HS6ST3: variants seen among roughly 807,000 people sequenced by gnomAD.
HS6ST3 encodes heparan-sulfate 6-O-sulfotransferase 3.
In HS6ST3, 12 loss-of-function variants were observed where a neutral mutation model predicts 36.7. That is an observed-to-expected ratio of 0.33 (90% CI 0.21 to 0.53). The LOEUF is 0.53. HS6ST3 is among the 20% of genes least tolerant of loss of function. The pLI is 0.95. For missense variants in HS6ST3, 584 were observed against 640.9 expected (o/e 0.91, Z 0.96); for synonymous variants, 240 against 257.5 (o/e 0.93, Z 0.65).
chr13:96,577,461 G>A, intron 1 of HS6ST3, among the ~76,000 whole-genome samples: 1 of 152,230 alleles, frequency 6.6e-6, no homozygotes, highest in South Asian at 2.1e-4. Flanking sequence ...TGTGAATAGT[G>A]CTGCAATAAA....
chr13:96,507,281 G>A (rs1342616634), intron 1 of HS6ST3, among the ~76,000 whole-genome samples: 1 of 152,100 alleles, frequency 6.6e-6, no homozygotes, highest in African/African-American at 2.4e-5. Context: ...ATGGAATGAT[G>A]TATGTCCTGA....
intron 1 of HS6ST3, among the ~76,000 whole-genome samples, chr13:96,291,955 G>A (rs1025305102): frequency 3.1e-4 from 47 of 152,222 alleles, no homozygotes; most frequent in Non-Finnish European, 6.0e-4. Flanking sequence ...GTGTTCCATA[G>A]AAAGCTATAT....
intron 1 of HS6ST3, among the ~76,000 whole-genome samples, chr13:96,710,326 A>C (rs954155601): frequency 6.6e-6 from 1 of 152,218 alleles, no homozygotes; most frequent in Non-Finnish European, 1.5e-5. Context: ...TGGGGGCCTG[A>C]CTCAGCAGAG....
intron 1 of HS6ST3, among the ~76,000 whole-genome samples, chr13:96,098,459 C>G (rs2053802054): frequency 6.6e-6 from 1 of 152,088 alleles, no homozygotes; most frequent in Admixed American, 6.5e-5. Context: ...AAAACAATGA[C>G]AAATTTATCA....
At chr13:96,536,966 C>T (rs2056157976) in intron 1 of HS6ST3, among the ~76,000 whole-genome samples, 1 of 152,156 alleles carries the variant, frequency 6.6e-6, no homozygotes, top group South Asian at 2.1e-4. Context: ...TTATCAGGCA[C>T]CTGCCTTGTG....
intron 1 of HS6ST3, among the ~76,000 whole-genome samples, chr13:96,225,968 T>C (rs1015864378): frequency 6.6e-6 from 1 of 152,158 alleles, no homozygotes; most frequent in Non-Finnish European, 1.5e-5. Flanking sequence ...TGCCAATGAC[T>C]CACTGATCTT....
intron 1 of HS6ST3, among the ~76,000 whole-genome samples, chr13:96,539,904 G>A (rs2138941315): frequency 6.6e-6 from 1 of 152,318 alleles, no homozygotes; most frequent in South Asian, 2.1e-4. Flanking sequence ...CAATAAATGT[G>A]CCTGGTATTT....
chr13:96,363,676 C>T (rs531933237), intron 1 of HS6ST3, among the ~76,000 whole-genome samples: 1 of 152,126 alleles, frequency 6.6e-6, no homozygotes, highest in South Asian at 2.1e-4. Context: ...CAAAACACCC[C>T]TTCATCCCAA....
intron 1 of HS6ST3, among the ~76,000 whole-genome samples, chr13:96,511,372 A>G (rs1474753910): frequency 6.6e-6 from 1 of 152,136 alleles, no homozygotes; most frequent in African/African-American, 2.4e-5. Flanking sequence ...TCATCAGTGC[A>G]GGAGGATTCC....
chr13:96,457,371 CT>C (rs35461089), intron 1 of HS6ST3, among the ~76,000 whole-genome samples: 45,763 of 151,860 alleles, frequency 0.3, 7,174 homozygotes, highest in South Asian at 0.46. Flanking sequence ...TAACTCTCAA[CT>C]TCTAGCTTCT....
At chr13:96,396,925 G>T (rs2055424818) in intron 1 of HS6ST3, among the ~76,000 whole-genome samples, 1 of 152,196 alleles carries the variant, frequency 6.6e-6, no homozygotes, top group Non-Finnish European at 1.5e-5. Context: ...CCTTTTGGCT[G>T]GGTGTGGTGG....
chr13:96,667,782 C>T (rs1166400074), intron 1 of HS6ST3, among the ~76,000 whole-genome samples: 2 of 152,082 alleles, frequency 1.3e-5, no homozygotes, highest in Non-Finnish European at 2.9e-5. Flanking sequence ...GGCTGTAAAG[C>T]CTTAGACATT....
Position 96,091,401 on chromosome 13 carries a change from G to A in HS6ST3, c.539G>A (p.Gly180Asp), listed in dbSNP as rs758596974. Reference protein sequence around the residue: ...RLEQPCSCKAGQKKCTCHRPG... With the variant: ...RLEQPCSCKADQKKCTCHRPG... ...GAGCAGCCTTGTAGCTGCAAAGCGG[G>A]TCAGAAGAAGTGCACCTGCCACCGG... Residue 180 changes from glycine (G) to aspartate (D), a missense_variant, in exon 1 of 2, where the codon GGT becomes GAT. Around this residue, in one of 3 missense-constraint regions of HS6ST3, gnomAD observed 360 missense variants for 411.3 expected, o/e 0.88. Coordinates refer to ENST00000376705, the MANE Select transcript of HS6ST3 (RefSeq NM_153456.4). The A allele has an allele frequency of 6.2e-6, 10 of 1,613,480 alleles. No individual in the cohort carries two copies. Among genetic ancestry groups the A allele is most frequent in the Middle Eastern group, 1.6e-4 (1 of 6,084 alleles).
intron 1 of HS6ST3, among the ~76,000 whole-genome samples, chr13:96,331,518 T>A (rs1027903537): frequency 3.3e-5 from 5 of 152,084 alleles, no homozygotes; most frequent in African/African-American, 9.7e-5. Flanking sequence ...GGGACCCACT[T>A]GAGGAGGCAG....
intron 1 of HS6ST3, among the ~76,000 whole-genome samples, chr13:96,723,485 T>C (rs962378493): frequency 2.0e-5 from 3 of 152,284 alleles, no homozygotes; most frequent in African/African-American, 7.2e-5. Context: ...CAAAAGTCCA[T>C]CTTGTTAAGC....
At chr13:96,518,629 A>T (rs544868151) in intron 1 of HS6ST3, among the ~76,000 whole-genome samples, 30 of 152,262 alleles carry the variant, frequency 2.0e-4, no homozygotes, top group African/African-American at 7.0e-4. Context: ...AGTATTATGT[A>T]CTATACATAA....
chr13:96,483,139 A>C (rs879806176), intron 1 of HS6ST3, among the ~76,000 whole-genome samples: 1 of 152,188 alleles, frequency 6.6e-6, no homozygotes, highest in African/African-American at 2.4e-5. Context: ...CTAACTTCCT[A>C]TGGAAAGGAA....
intron 1 of HS6ST3, among the ~76,000 whole-genome samples, chr13:96,158,675 A>AAAAT (rs2066727009): frequency 1.3e-5 from 2 of 150,206 alleles, no homozygotes; most frequent in Non-Finnish European, 3.0e-5. Context: ...AAAAAAAAAA[A>AAAAT]TAGAGAAGAA....
intron 1 of HS6ST3, among the ~76,000 whole-genome samples, chr13:96,263,046 A>C (rs1445729141): frequency 1.3e-5 from 2 of 152,188 alleles, no homozygotes; most frequent in African/African-American, 4.8e-5. Context: ...AAAGTTTTAC[A>C]AAACAAAAAT....
Sources: allele counts gnomAD v4.1 joint callset (sites outside exome capture counted in the v4.1 genomes callset), GRCh38; gene constraint gnomAD v4.1.1; regional missense constraint gnomAD v4.1.1; transcripts MANE v1.5; gene names NCBI Gene and HGNC (gene_info 2026-07-23, HGNC 2026-07-21).